The following CLEC16A variants were observed in gnomAD, a reference collection of about 807,000 sequenced individuals.
CLEC16A encodes the protein C-type lectin domain containing 16A.
CLEC16A carries 51 observed loss-of-function variants against 109.5 expected under a neutral mutation model. The ratio of observed to expected loss-of-function variants is 0.47; its 90% CI spans 0.37 to 0.59. CLEC16A has a LOEUF of 0.59. Among genes scored for constraint, CLEC16A ranks in the 20% least tolerant of loss-of-function variants. The probability of loss-of-function intolerance (pLI) is 0.00; values close to 1 mark genes in which losing one functional copy is unlikely to be tolerated. For missense variants in CLEC16A, 1,339 were observed against 1,394.0 expected (o/e 0.96, Z 0.63); for synonymous variants, 673 against 564.2 (o/e 1.19, Z -2.73).
intron 1 of CLEC16A, among the ~76,000 whole-genome samples, chr16:10,957,134 A>T (rs986914961): frequency 2.0e-5 from 3 of 152,190 alleles, no homozygotes; most frequent in African/African-American, 7.2e-5. Context: ...ATCTGTTCTC[A>T]GCAAATAAGA....
chr16:11,005,338 G>T (rs1473043573), intron 11 of CLEC16A, among the ~76,000 whole-genome samples: 1 of 152,150 alleles, frequency 6.6e-6, no homozygotes, highest in African/African-American at 2.4e-5. Flanking sequence ...AGGGTACAAG[G>T]GAACGAATTT....
chr16:11,003,524 C>T (rs2044797944), intron 11 of CLEC16A, among the ~76,000 whole-genome samples: 1 of 152,190 alleles, frequency 6.6e-6, no homozygotes, highest in African/African-American at 2.4e-5. Context: ...AAGTCCCGCC[C>T]TCATGGGATG....
At chr16:11,151,478 C>T (rs544987205) in intron 22 of CLEC16A, among the ~76,000 whole-genome samples, 4 of 152,364 alleles carry the variant, frequency 2.6e-5, no homozygotes, top group African/African-American at 7.2e-5. Context: ...AGCATGTGCA[C>T]AGGCATTGTT....
intron 13 of CLEC16A, among the ~76,000 whole-genome samples, chr16:11,036,544 CTT>C (rs71404440): frequency 9.1e-4 from 120 of 131,912 alleles, no homozygotes; most frequent in African/African-American, 3.3e-3. Context: ...TCTAATTTTC[CTT>C]TTTTTTTTTT....
At chr16:11,075,388 G>GTGTGTGTGTGTGTC (rs2049295298) in intron 19 of CLEC16A, among the ~76,000 whole-genome samples, 1 of 128,214 alleles carries the variant, frequency 7.8e-6, no homozygotes, top group African/African-American at 3.2e-5. Flanking sequence ...CTGTGTGTGT[G>GTGTGTGTGTGTGTC]TGTGTGTGTG....
At chr16:11,006,840 C>T (rs1317195080) in intron 11 of CLEC16A, among the ~76,000 whole-genome samples, 1 of 152,078 alleles carries the variant, frequency 6.6e-6, no homozygotes, top group Non-Finnish European at 1.5e-5. Context: ...CCCCAGTCTA[C>T]AGAGGAATTT....
chr16:11,104,173 A>T (rs533367203), intron 19 of CLEC16A, among the ~76,000 whole-genome samples: 1 of 152,128 alleles, frequency 6.6e-6, no homozygotes, highest in African/African-American at 2.4e-5. Context: ...CAGTGGTACA[A>T]TCTCAGCTTA....
chr16:11,173,862 C>A (rs1352530800), intron 23 of CLEC16A, among the ~76,000 whole-genome samples: 2 of 152,174 alleles, frequency 1.3e-5, no homozygotes, highest in Admixed American at 6.5e-5. Flanking sequence ...TCCTTTCCAA[C>A]AGGACTCCAC....
chr16:11,118,316 C>T (rs564512347), intron 19 of CLEC16A, among the ~76,000 whole-genome samples: 3 of 152,218 alleles, frequency 2.0e-5, no homozygotes, highest in African/African-American at 7.2e-5. Context: ...TGCACAAGAC[C>T]CCATGCTTTT....
At chr16:10,973,365 A>C (rs2042885807) in intron 7 of CLEC16A, among the ~76,000 whole-genome samples, 2 of 152,214 alleles carry the variant, frequency 1.3e-5, no homozygotes, top group African/African-American at 2.4e-5. Context: ...AACAAAATGT[A>C]GTCTGTCTGT....
chr16:11,178,303 AGT>A lies in CLEC16A; in HGVS notation c.2807-27_2807-26del. ...GTGCGACGGGGTGTCTCAAGGGCTC[AGT>A]GTGTTTCCGGTTTTTCTCCCCCAAT... On this transcript the variant is annotated intron_variant, in intron 23 of 23. Coordinates refer to ENST00000409790, the MANE Select transcript of CLEC16A (RefSeq NM_015226.3). This position sits in a 1 kb window ranked among gnomAD's most constrained non-coding sequence, Gnocchi z 6.5. 2 of 1,565,392 alleles carry A rather than the reference AGT, an allele frequency of 1.3e-6. No individual in the cohort carries two copies. The highest frequency in any genetic ancestry group is 1.7e-6 in the Non-Finnish European group (2 of 1,144,896).
At chr16:11,061,481 G>A (rs183616332) in intron 19 of CLEC16A, among the ~76,000 whole-genome samples, 6 of 152,334 alleles carry the variant, frequency 3.9e-5, no homozygotes, top group East Asian at 1.9e-4. Context: ...GGAGAACCAC[G>A]TGCTCAGCCC....
intron 18 of CLEC16A, 94 bp from the exon 19 acceptor site, chr16:11,060,808 A>C: frequency 7.8e-7 from 1 of 1,274,098 alleles, no homozygotes; most frequent in Non-Finnish European, 1.0e-6. Context: ...TTCTTTTTTA[A>C]TAGAGAGTCA....
At chr16:11,132,451 T>TTCATCCA (rs1319895395) in intron 22 of CLEC16A, among the ~76,000 whole-genome samples, 1 of 152,156 alleles carries the variant, frequency 6.6e-6, no homozygotes, top group African/African-American at 2.4e-5. Flanking sequence ...TGCTTCCACC[T>TTCATCCA]TCATCCATCA....
rs2052323816 is a variant in CLEC16A, at chr16:11,120,483, G to C, written c.2117-132G>C. On this transcript the variant is annotated intron_variant, in intron 19 of 23. Coordinates refer to ENST00000409790, the MANE Select transcript of CLEC16A (RefSeq NM_015226.3). Reference sequence around the variant, plus strand: ...TGTCAGAGAAGGGACTCAGACCTAGGTCTGTGTGACTCTAGGCCTGGGCTC... The same window carrying C: ...TGTCAGAGAAGGGACTCAGACCTAGCTCTGTGTGACTCTAGGCCTGGGCTC... 4 of 889,762 alleles carry C rather than the reference G, an allele frequency of 4.5e-6. No individual in the cohort carries two copies. The East Asian group carries it at 1.1e-4, about 25-fold the overall frequency. 55.1% of individuals were successfully genotyped at this position (889,762 alleles called of 1,614,324 possible).
chr16:10,977,855 C>T (rs1222628407), intron 8 of CLEC16A, among the ~76,000 whole-genome samples: 1 of 152,180 alleles, frequency 6.6e-6, no homozygotes, highest in Admixed American at 6.5e-5. Flanking sequence ...GCTTTCCTTT[C>T]CTTTCCTTTC....
At chr16:10,962,630 T>C (rs779010141) in intron 3 of CLEC16A, 42 bp downstream of exon 3, 4 of 1,601,626 alleles carry the variant, frequency 2.5e-6, no homozygotes, top group Admixed American at 3.4e-5. Context: ...CTGCTGTGCA[T>C]GTAGCAGGGT....
At chr16:11,092,014 A>T (rs1261240188) in intron 19 of CLEC16A, among the ~76,000 whole-genome samples, 2 of 152,138 alleles carry the variant, frequency 1.3e-5, no homozygotes, top group African/African-American at 4.8e-5. Flanking sequence ...CTCAGTGTGC[A>T]GAAGCCCTCC....
chr16:11,114,850 T>G (rs1193705837), intron 19 of CLEC16A, among the ~76,000 whole-genome samples: 1 of 152,214 alleles, frequency 6.6e-6, no homozygotes. Context: ...TAGAAGCCGC[T>G]TCATTTCTCC....
Sources: gnomAD v4.1 joint callset for allele counts (sites outside exome capture counted in the v4.1 genomes callset) on GRCh38, gnomAD v4.1.1 for gene constraint, Gnocchi (gnomAD v3.1) non-coding constraint, MANE v1.5 for transcripts, NCBI Gene and HGNC (gene_info 2026-07-23, HGNC 2026-07-21) for gene names.